LRRC4C: variants seen among roughly 807,000 people sequenced by gnomAD.
LRRC4C encodes leucine rich repeat containing 4C.
In LRRC4C, 5 loss-of-function variants were observed where a neutral mutation model predicts 33.6. The ratio of observed to expected loss-of-function variants is 0.15; its 90% confidence interval spans 0.08 to 0.31. The LOEUF (loss-of-function observed/expected upper bound fraction) is 0.31. Ranked by LOEUF, LRRC4C falls within the 10% of genes least tolerant of loss-of-function variation. The probability of loss-of-function intolerance (pLI) is 1.00; values close to 1 mark genes in which losing one functional copy is unlikely to be tolerated. For missense variants in LRRC4C, 560 were observed against 796.7 expected, an observed-to-expected ratio of 0.70 and a Z score of 3.58; for synonymous variants, 329 against 302.0, an observed-to-expected ratio of 1.09 and a Z score of -0.93.
At chr11:40,425,512 A>G (rs1030436488) in intron 3 of LRRC4C, among the ~76,000 whole-genome samples, 1 of 152,226 alleles carries the variant, frequency 6.6e-6, no homozygotes, top group Admixed American at 6.5e-5. Context: ...CTATCTGGAA[A>G]TTCTGCTGGT....
intron 2 of LRRC4C, among the ~76,000 whole-genome samples, chr11:40,916,807 G>T (rs140083254): frequency 4.6e-5 from 7 of 151,810 alleles, no homozygotes; most frequent in African/African-American, 1.7e-4. Context: ...TTAGAGGGAG[G>T]GTAGAAAAAT....
chr11:41,095,209 G>T (rs142268061), intron 1 of LRRC4C, among the ~76,000 whole-genome samples: 2 of 151,884 alleles, frequency 1.3e-5, no homozygotes, highest in Admixed American at 1.3e-4. Context: ...GAGAGAGAGC[G>T]CACAACGAGC....
chr11:40,275,465 G>A (rs1262498548), intron 4 of LRRC4C, among the ~76,000 whole-genome samples: 1 of 152,114 alleles, frequency 6.6e-6, no homozygotes, highest in African/African-American at 2.4e-5. Flanking sequence ...CATAAAAGCA[G>A]GCAGCCCTCT....
intron 1 of LRRC4C, among the ~76,000 whole-genome samples, chr11:41,304,541 G>A (rs1271943395): frequency 2.6e-5 from 3 of 114,016 alleles, no homozygotes; most frequent in East Asian, 3.0e-4. Context: ...TCAGCCCCCC[G>A]CCCGGCCAGC....
At chr11:41,189,411 T>C (rs1472463246) in intron 1 of LRRC4C, among the ~76,000 whole-genome samples, 1 of 152,048 alleles carries the variant, frequency 6.6e-6, no homozygotes, top group Non-Finnish European at 1.5e-5. Context: ...AGAAGGGCAA[T>C]GTGACTGGAA....
At chr11:40,264,681 T>C (rs1256808400) in intron 4 of LRRC4C, among the ~76,000 whole-genome samples, 2 of 152,194 alleles carry the variant, frequency 1.3e-5, no homozygotes, top group African/African-American at 4.8e-5. Context: ...CTCTCAGTAC[T>C]TACCCTGGGA....
At chr11:40,641,422 T>C (rs1473962148) in intron 3 of LRRC4C, among the ~76,000 whole-genome samples, 2 of 152,160 alleles carry the variant, frequency 1.3e-5, no homozygotes, top group South Asian at 4.1e-4. Context: ...CTATTTATTT[T>C]ATAGCTCTAG....
chr11:41,445,134 C>A (rs889518935), intron 1 of LRRC4C, among the ~76,000 whole-genome samples: 1 of 152,136 alleles, frequency 6.6e-6, no homozygotes, highest in Non-Finnish European at 1.5e-5. Flanking sequence ...TTCCCCTTAG[C>A]TCCGGCAGTA....
chr11:40,409,558 C>T (rs766449483), intron 3 of LRRC4C, among the ~76,000 whole-genome samples: 7 of 151,852 alleles, frequency 4.6e-5, no homozygotes, highest in African/African-American at 1.7e-4. Context: ...AACAAACAAA[C>T]AAAACCTGAT....
At chr11:40,643,857 G>T (rs76896463) in intron 3 of LRRC4C, among the ~76,000 whole-genome samples, 1,730 of 152,156 alleles carry the variant, frequency 0.011, 32 homozygotes, top group African/African-American at 0.039. Context: ...TCCCCTACTA[G>T]AGCAATATTG....
chr11:41,069,953 T>C (rs1331115984), intron 1 of LRRC4C, among the ~76,000 whole-genome samples: 1 of 152,194 alleles, frequency 6.6e-6, no homozygotes, highest in Non-Finnish European at 1.5e-5. Context: ...AGAGCCTGTA[T>C]AACCAAGACA....
At chr11:41,396,854 A>G (rs1953838307) in intron 1 of LRRC4C, among the ~76,000 whole-genome samples, 1 of 152,078 alleles carries the variant, frequency 6.6e-6, no homozygotes, top group Admixed American at 6.6e-5. Context: ...GAACCTAATT[A>G]AACTTTAGAG....
chr11:40,555,712 T>C, intron 3 of LRRC4C, among the ~76,000 whole-genome samples: 1 of 152,086 alleles, frequency 6.6e-6, no homozygotes, highest in East Asian at 1.9e-4. Flanking sequence ...AAAAGGACCG[T>C]GTATATTTTT....
At chr11:40,519,474 C>T (rs1022882951) in intron 3 of LRRC4C, among the ~76,000 whole-genome samples, 49 of 152,252 alleles carry the variant, frequency 3.2e-4, no homozygotes, top group African/African-American at 1.1e-3. Context: ...ACTAACCAAC[C>T]TCTTCTAGCT....
At chr11:40,747,243 C>G (rs1948474498) in intron 2 of LRRC4C, among the ~76,000 whole-genome samples, 1 of 152,122 alleles carries the variant, frequency 6.6e-6, no homozygotes, top group Admixed American at 6.5e-5. Context: ...GAAAACTTTG[C>G]CATAGCCCCC....
intron 2 of LRRC4C, among the ~76,000 whole-genome samples, chr11:40,837,357 T>C (rs565254790): frequency 1.3e-5 from 2 of 152,202 alleles, no homozygotes; most frequent in Admixed American, 1.3e-4. Flanking sequence ...TTATTTAGAG[T>C]TAGCATTGAT....
At chr11:40,297,435 A>G (rs1235889934) in intron 4 of LRRC4C, among the ~76,000 whole-genome samples, 4 of 152,222 alleles carry the variant, frequency 2.6e-5, no homozygotes, top group South Asian at 4.1e-4. Flanking sequence ...TTAAAATTCA[A>G]TACTCAGCAG....
chr11:41,164,191 A>T (rs2862280), intron 1 of LRRC4C, among the ~76,000 whole-genome samples: 1,181 of 88,332 alleles, frequency 0.013, 82 homozygotes, highest in Non-Finnish European at 0.021. Context: ...TACCTTTTTT[A>T]TTTTTTTTTT....
intron 1 of LRRC4C, among the ~76,000 whole-genome samples, chr11:41,198,527 T>C (rs765689577): frequency 1.3e-5 from 2 of 151,980 alleles, no homozygotes; most frequent in African/African-American, 2.4e-5. Context: ...TTTGAGAATG[T>C]AATGACAAGT....
Sources: gnomAD v4.1 joint callset for allele counts (sites outside exome capture counted in the v4.1 genomes callset) on GRCh38, gnomAD v4.1.1 for gene constraint, MANE v1.5 for transcripts, NCBI Gene and HGNC (gene_info 2026-07-23, HGNC 2026-07-21) for gene names.